SH3RF1: variants seen among roughly 807,000 people sequenced by gnomAD.
SH3RF1 encodes E3 ubiquitin-protein ligase SH3RF1.
A neutral mutation model predicts 74.0 loss-of-function variants in SH3RF1; 32 were observed. The observed-to-expected ratio is 0.43, with a 90% CI of 0.33 to 0.58. SH3RF1 has a LOEUF of 0.58. Ranked by LOEUF, SH3RF1 falls within the 20% of genes least tolerant of loss-of-function variation. The pLI is 0.05. For missense variants in SH3RF1, 954 were observed against 1,130.9 expected (o/e 0.84, Z 2.24); for synonymous variants, 396 against 439.6 (o/e 0.90, Z 1.24).
At chr4:169,101,750 T>A (rs772827031) in intron 11 of SH3RF1, among the ~76,000 whole-genome samples, 1 of 151,588 alleles carries the variant, frequency 6.6e-6, no homozygotes, top group Non-Finnish European at 1.5e-5. Flanking sequence ...CTTGTTCCCT[T>A]TGAACAAAGC....
chr4:169,168,996 C>A (rs748625213), intron 2 of SH3RF1, among the ~76,000 whole-genome samples: 3 of 152,144 alleles, frequency 2.0e-5, no homozygotes, highest in African/African-American at 7.2e-5. Context: ...TCTGTCATGA[C>A]CTTCTACAAT....
At chr4:169,220,185 T>C (rs1341003049) in intron 2 of SH3RF1, 2 of 152,248 alleles carry the variant, frequency 1.3e-5, no homozygotes, top group African/African-American at 4.8e-5. Flanking sequence ...TTATAAAATG[T>C]GCATAATTTT....
chr4:169,116,065 A>G (rs1190683545), intron 10 of SH3RF1, among the ~76,000 whole-genome samples: 1 of 152,112 alleles, frequency 6.6e-6, no homozygotes, highest in Non-Finnish European at 1.5e-5. Flanking sequence ...GAGAAACATG[A>G]GCTCTAGATA....
Position 169,248,024 on chromosome 4 carries a change from T to C in SH3RF1, c.393+20796A>G, listed in dbSNP as rs150713085. ...CGAGGATGTGGAGAAACAGAAATGC[T>C]TTTACACTGTTGGTGGGACTGTAAA... On this transcript the variant is annotated intron_variant, in intron 2 of 11. Coordinates refer to ENST00000284637, the MANE Select transcript of SH3RF1 (RefSeq NM_020870.4). 6.6e-3 allele frequency among the ~76,000 whole-genome samples: 1,004 copies of C among 152,314 alleles called. 8 individuals are homozygous for C. The highest frequency in any genetic ancestry group is 0.023 in the African/African-American group (961 of 41,560).
chr4:169,097,161 T>C (rs1254427878), intron 11 of SH3RF1, among the ~76,000 whole-genome samples: 1 of 152,136 alleles, frequency 6.6e-6, no homozygotes, highest in Non-Finnish European at 1.5e-5. Flanking sequence ...ACCTCTATGT[T>C]GTAAGCACAC....
intron 2 of SH3RF1, among the ~76,000 whole-genome samples, chr4:169,181,257 C>CTTTTTTTT (rs397878328): frequency 3.9e-5 from 4 of 103,386 alleles, no homozygotes; most frequent in African/African-American, 8.3e-5. Context: ...TTGGGAAAGC[C>CTTTTTTTT]TTTTTTTTTT....
chr4:169,121,317 T>C (rs1733432773), intron 7 of SH3RF1, among the ~76,000 whole-genome samples: 1 of 152,200 alleles, frequency 6.6e-6, no homozygotes, highest in Admixed American at 6.5e-5. Flanking sequence ...ATGTACCCAC[T>C]GGGAAAACTG....
chr4:169,115,586 T>C (rs543761582), intron 10 of SH3RF1, among the ~76,000 whole-genome samples: 1 of 152,156 alleles, frequency 6.6e-6, no homozygotes, highest in African/African-American at 2.4e-5. Flanking sequence ...CCACTAATTC[T>C]ACATTATGGT....
At chr4:169,152,098 T>A (rs541778667) in intron 4 of SH3RF1, among the ~76,000 whole-genome samples, 1 of 152,330 alleles carries the variant, frequency 6.6e-6, no homozygotes, top group African/African-American at 2.4e-5. Flanking sequence ...TACCCTTTTA[T>A]ACATATCATG....
intron 2 of SH3RF1, among the ~76,000 whole-genome samples, chr4:169,181,871 C>T (rs560387311): frequency 7.0e-4 from 107 of 152,262 alleles, no homozygotes; most frequent in South Asian, 1.5e-3. Context: ...CCTTATCCTG[C>T]TTTATTTCTC....
intron 10 of SH3RF1, among the ~76,000 whole-genome samples, chr4:169,112,000 C>T (rs1733253338): frequency 6.6e-6 from 1 of 152,134 alleles, no homozygotes; most frequent in Non-Finnish European, 1.5e-5. Flanking sequence ...CTGCGACAGT[C>T]CCATCTGTAC....
At chr4:169,245,717 T>C (rs1044983990) in intron 2 of SH3RF1, among the ~76,000 whole-genome samples, 2 of 152,220 alleles carry the variant, frequency 1.3e-5, no homozygotes, top group African/African-American at 4.8e-5. Context: ...AAAATCCGTA[T>C]GGCGGTGGTA....
At chr4:169,257,668 A>C (rs1160291277) in intron 2 of SH3RF1, among the ~76,000 whole-genome samples, 2 of 152,266 alleles carry the variant, frequency 1.3e-5, no homozygotes, top group African/African-American at 4.8e-5. Context: ...ATATGGTTCT[A>C]AAGTGCAGGA....
chr4:169,221,322 T>A (rs959995349), intron 2 of SH3RF1, among the ~76,000 whole-genome samples: 1 of 152,026 alleles, frequency 6.6e-6, no homozygotes, highest in Non-Finnish European at 1.5e-5. Flanking sequence ...AAAAAAAAAA[T>A]AGGTCTCTCC....
intron 10 of SH3RF1, among the ~76,000 whole-genome samples, chr4:169,113,581 T>C (rs528680785): frequency 4.6e-5 from 7 of 152,124 alleles, no homozygotes; most frequent in Non-Finnish European, 1.0e-4. Flanking sequence ...GAGAACTCTG[T>C]GGATGGGAGG....
At chr4:169,123,575 A>G (rs748723842) in intron 6 of SH3RF1, among the ~76,000 whole-genome samples, 9 of 152,204 alleles carry the variant, frequency 5.9e-5, no homozygotes, top group Non-Finnish European at 1.3e-4. Context: ...CACATTCTCA[A>G]TTCAAAATAT....
Position 169,116,618 on chromosome 4 carries a change from T to C in SH3RF1, c.1790A>G (p.Asn597Ser). The change falls in exon 10 of 12, where the codon AAC becomes AGC. Residue 597 changes from asparagine (N) to serine (S), a missense_variant. Coordinates refer to ENST00000284637, the MANE Select transcript of SH3RF1 (RefSeq NM_020870.4). ...RNAVRTVAAHNQERPTAAVTP... is the reference protein window; with the variant it reads ...RNAVRTVAAHSQERPTAAVTP... The stretch of plus-strand genomic sequence containing the variant: ...CACTGCTGCCGTGGGGCGTTCCTGG[T>C]TGTGCGCTGCAACTAGTAGATGGGA... The C allele has an allele frequency of 2.6e-6, 4 of 1,541,508 alleles. No homozygotes were observed. In the African/African-American group the frequency reaches 5.4e-5, roughly 21 times the overall value.
At chr4:169,162,168 T>G (rs776981723) in intron 2 of SH3RF1, among the ~76,000 whole-genome samples, 4 of 151,052 alleles carry the variant, frequency 2.6e-5, no homozygotes, top group Non-Finnish European at 5.9e-5. Flanking sequence ...GAAAAAAAAG[T>G]AAAAAAAAAT....
chr4:169,270,346 G>T (rs983626567), intron 1 of SH3RF1, among the ~76,000 whole-genome samples: 3 of 152,084 alleles, frequency 2.0e-5, no homozygotes, highest in Non-Finnish European at 2.9e-5. Flanking sequence ...GGCAGGAGCC[G>T]GTCGCGGCCT....
Sources: gnomAD v4.1 joint callset for allele counts (sites outside exome capture counted in the v4.1 genomes callset) on GRCh38, gnomAD v4.1.1 for gene constraint, MANE v1.5 for transcripts, NCBI Gene and HGNC (gene_info 2026-07-23, HGNC 2026-07-21) for gene names.